The following VIT variants were observed in gnomAD, a reference collection of about 807,000 sequenced individuals.
VIT encodes the protein vitrin.
A neutral mutation model predicts 78.0 loss-of-function variants in VIT; 99 were observed. The ratio of observed to expected loss-of-function variants is 1.27; its 90% CI spans 1.08 to 1.50. VIT has a LOEUF of 1.50. Ranked by LOEUF, VIT falls within the 40% of genes most tolerant of loss-of-function variation. The pLI is 0.00. For synonymous variants in VIT, 374 were observed against 334.3 expected, an observed-to-expected ratio of 1.12 and a Z score of -1.29; for missense variants, 1,126 against 875.3, an observed-to-expected ratio of 1.29 and a Z score of -3.61.
intron 1 of VIT, among the ~76,000 whole-genome samples, chr2:36,712,232 C>T (rs4670163): frequency 0.66 from 101,103 of 152,064 alleles, 34,096 homozygotes; most frequent in African/African-American, 0.79. Flanking sequence ...GAAATTGCAG[C>T]GGTGAGAAAG....
chr2:36,808,479 G>A lies in VIT; in HGVS notation c.1397G>A (p.Cys466Tyr). The change falls in exon 15 of 16, where the codon TGC becomes TAC. Residue 466 changes from cysteine to tyrosine, a missense_variant. Transcript: ENST00000379242. ...CTCCCCTCTGTCTTCTAGGCCGTGT[G>A]CAGAACAAACGGCTTCTACTCGCTC... ...VEPNFANKAV[C>Y]RTNGFYSLHV... 1 of 1,606,014 alleles carries A rather than the reference G, an allele frequency of 6.2e-7. No individual in the cohort carries two copies. Among genetic ancestry groups the A allele is most frequent in the Non-Finnish European group, 8.5e-7 (1 of 1,173,950 alleles).
At chr2:36,726,313 C>T (rs765468754) in intron 2 of VIT, among the ~76,000 whole-genome samples, 50 of 151,758 alleles carry the variant, frequency 3.3e-4, no homozygotes, top group Non-Finnish European at 6.8e-4. Context: ...GAAAAAATGT[C>T]GATATAGATC....
At chr2:36,771,355 A>G (rs975640507) in intron 7 of VIT, among the ~76,000 whole-genome samples, 3 of 152,064 alleles carry the variant, frequency 2.0e-5, no homozygotes, top group Admixed American at 2.0e-4. Context: ...GTGAAACCCC[A>G]TCTCTACTAA....
At chr2:36,725,669 T>C (rs796595832) in intron 2 of VIT, among the ~76,000 whole-genome samples, 11 of 152,122 alleles carry the variant, frequency 7.2e-5, no homozygotes, top group African/African-American at 2.4e-4. Flanking sequence ...AAATAAAAAG[T>C]TTTTTTAAAC....
At chr2:36,799,918 C>T (rs943807829) in intron 12 of VIT, among the ~76,000 whole-genome samples, 3 of 151,492 alleles carry the variant, frequency 2.0e-5, no homozygotes, top group East Asian at 3.9e-4. Flanking sequence ...TGTGGTGACA[C>T]GCACCGGTAG....
At chr2:36,761,165 A>G (rs924451566) in intron 6 of VIT, among the ~76,000 whole-genome samples, 1 of 152,234 alleles carries the variant, frequency 6.6e-6, no homozygotes, top group African/African-American at 2.4e-5. Flanking sequence ...GTTGGAAATA[A>G]GATGCCCACC....
chr2:36,806,390 G>A (rs1666729003), intron 14 of VIT, among the ~76,000 whole-genome samples: 1 of 152,066 alleles, frequency 6.6e-6, no homozygotes, highest in Admixed American at 6.6e-5. Flanking sequence ...TCCTTGAAAT[G>A]CCCTTCTCCC....
rs1215973564 is a variant in VIT at position 36,759,049 on chromosome 2, A to T, written c.487+3A>T. 6.2e-7 allele frequency: 1 copy of T among 1,614,160 alleles called. No homozygotes were observed. Among genetic ancestry groups the T allele is most frequent in the Admixed American group, 1.7e-5 (1 of 60,022 alleles). On this transcript the variant is annotated splice_donor_region_variant and intron_variant, in intron 6 of 15. Transcript: ENST00000379242. Reference sequence around the variant, plus strand: ...GAAAAGTCCAGCTGCCCAAGCAGGCAAGTGCTCACGTGTGATTGAATCTAA... The same window carrying T: ...GAAAAGTCCAGCTGCCCAAGCAGGCTAGTGCTCACGTGTGATTGAATCTAA...
intron 6 of VIT, among the ~76,000 whole-genome samples, chr2:36,763,188 G>C (rs1669224246): frequency 6.6e-6 from 1 of 152,184 alleles, no homozygotes; most frequent in Non-Finnish European, 1.5e-5. Context: ...CCTGGGTCCA[G>C]TGAGTCAGAA....
intron 13 of VIT, 47 bp from the exon 14 acceptor site, chr2:36,805,391 T>C: frequency 6.5e-7 from 1 of 1,532,178 alleles, no homozygotes; most frequent in South Asian, 1.3e-5. Context: ...TTCCTGTATT[T>C]ATAATCAGCG....
At chr2:36,708,183 G>A (rs540834921) in intron 1 of VIT, among the ~76,000 whole-genome samples, 24 of 148,014 alleles carry the variant, frequency 1.6e-4, no homozygotes, top group East Asian at 2.0e-4. Context: ...ACTGACAAGC[G>A]GAGGAGGCTT....
chr2:36,741,913 C>G lies in VIT; in HGVS notation c.119-1187C>G, dbSNP rs1667859388. ...TCTGTTCTTTAAGTTCTAGCTCACC[C>G]TCTGGCATCACAGCACACAACAATC... is the stretch of plus-strand genomic sequence containing the variant. On this transcript the variant is annotated intron_variant, in intron 3 of 15. Coordinates refer to ENST00000379242, the MANE Select transcript of VIT (RefSeq NM_053276.4). 2.0e-5 allele frequency among the ~76,000 whole-genome samples: 3 copies of G among 152,178 alleles called. No homozygotes were observed. In the South Asian group the frequency reaches 6.2e-4, roughly 32 times the overall value.
intron 15 of VIT, among the ~76,000 whole-genome samples, chr2:36,810,576 A>G (rs1667083991): frequency 6.6e-6 from 1 of 152,118 alleles, no homozygotes; most frequent in Non-Finnish European, 1.5e-5. Context: ...GTAGACAAAT[A>G]TGAATATACA....
At chr2:36,798,227 G>A (rs1314013840) in intron 12 of VIT, among the ~76,000 whole-genome samples, 1 of 152,168 alleles carries the variant, frequency 6.6e-6, no homozygotes, top group Non-Finnish European at 1.5e-5. Context: ...CAGAACTGAG[G>A]ACTGAAGGTT....
chr2:36,768,573 T>G (rs1669574763), intron 7 of VIT, among the ~76,000 whole-genome samples: 2 of 152,194 alleles, frequency 1.3e-5, no homozygotes, highest in Non-Finnish European at 2.9e-5. Context: ...AATAATCCAT[T>G]GTATTGATGA....
intron 8 of VIT, chr2:36,774,431 T>C (rs1669934601): frequency 3.3e-6 from 3 of 916,900 alleles, no homozygotes; most frequent in Non-Finnish European, 3.9e-6. Context: ...GTTTGACGGT[T>C]TCCACAAACT....
intron 2 of VIT, among the ~76,000 whole-genome samples, chr2:36,717,632 G>A (rs1666250527): frequency 6.6e-6 from 1 of 152,124 alleles, no homozygotes; most frequent in African/African-American, 2.4e-5. Flanking sequence ...GTGCTCAACT[G>A]AAGTGCTGAG....
chr2:36,786,462 TCATATATCCA>T lies in VIT; in HGVS notation c.911-664_911-655del, dbSNP rs1665101088. ...CATCCCTTTACCTCTCTTATAACCTTCATATATCCACAGAGATCCAGAGATCCTAAGGCAG... is the reference window on the plus strand; with the variant it reads ...CATCCCTTTACCTCTCTTATAACCTTCAGAGATCCAGAGATCCTAAGGCAG... On this transcript the variant is annotated intron_variant, in intron 11 of 15. Coordinates refer to ENST00000379242, the MANE Select transcript of VIT (RefSeq NM_053276.4). 3.3e-5 allele frequency among the ~76,000 whole-genome samples: 5 copies of T among 152,056 alleles called. No individual in the cohort carries two copies. In the South Asian group the frequency reaches 1.0e-3, roughly 32 times the overall value.
intron 4 of VIT, among the ~76,000 whole-genome samples, chr2:36,748,300 C>T (rs913010732): frequency 6.6e-6 from 1 of 152,154 alleles, no homozygotes; most frequent in Non-Finnish European, 1.5e-5. Context: ...TTTTCATGAA[C>T]TATATATCCT....
Sources: gnomAD v4.1 joint callset for allele counts (sites outside exome capture counted in the v4.1 genomes callset) on GRCh38, gnomAD v4.1.1 for gene constraint, MANE v1.5 for transcripts, NCBI Gene and HGNC (gene_info 2026-07-23, HGNC 2026-07-21) for gene names.